The following STIM1 variants were observed in gnomAD, a reference collection of about 807,000 sequenced individuals.
STIM1 encodes stromal interaction molecule 1.
In STIM1, 25 loss-of-function variants were observed where a neutral mutation model predicts 74.7. The ratio of observed to expected loss-of-function variants is 0.33; its 90% confidence interval spans 0.24 to 0.47. The LOEUF is 0.47. Among genes scored for constraint, STIM1 ranks in the 20% least tolerant of loss-of-function variants. The pLI, the probability that STIM1 is intolerant of heterozygous loss-of-function variation, is 1.00. For missense variants in STIM1, 728 were observed against 920.8 expected, an observed-to-expected ratio of 0.79 and a Z score of 2.71; for synonymous variants, 328 against 348.8, an observed-to-expected ratio of 0.94 and a Z score of 0.66.
intron 2 of STIM1, among the ~76,000 whole-genome samples, chr11:4,018,407 G>A (rs896791291): frequency 2.3e-5 from 3 of 133,006 alleles, no homozygotes; most frequent in Non-Finnish European, 4.7e-5. Context: ...AGCCGAGATT[G>A]CGCCACTGCA....
intron 1 of STIM1, among the ~76,000 whole-genome samples, chr11:3,900,291 C>T (rs567661315): frequency 2.7e-4 from 41 of 152,272 alleles, no homozygotes; most frequent in African/African-American, 8.9e-4. Context: ...GTGGGAAAAG[C>T]GCAGTATTGG....
chr11:3,897,481 G>C (rs1287668612), intron 1 of STIM1, among the ~76,000 whole-genome samples: 1 of 151,968 alleles, frequency 6.6e-6, no homozygotes, highest in Non-Finnish European at 1.5e-5. Context: ...TTTGTACAGT[G>C]CTTTTTGTTT....
intron 1 of STIM1, among the ~76,000 whole-genome samples, chr11:3,926,016 C>T (rs895391763): frequency 6.6e-6 from 1 of 152,076 alleles, no homozygotes; most frequent in Non-Finnish European, 1.5e-5. Flanking sequence ...TAATATAGCT[C>T]TCAGAGAGCT....
intron 3 of STIM1, among the ~76,000 whole-genome samples, chr11:4,036,440 C>T (rs762284332): frequency 6.6e-6 from 1 of 152,170 alleles, no homozygotes; most frequent in Non-Finnish European, 1.5e-5. Context: ...ACAGTGTCTT[C>T]CACAATGGTG....
chr11:3,969,549 T>A (rs542667980), intron 2 of STIM1, among the ~76,000 whole-genome samples: 48 of 152,262 alleles, frequency 3.2e-4, no homozygotes, highest in African/African-American at 1.1e-3. Context: ...GATTTGTCTG[T>A]AAGGATGAAC....
intron 2 of STIM1, among the ~76,000 whole-genome samples, chr11:4,000,698 C>T (rs560942088): frequency 1.5e-3 from 234 of 152,346 alleles, no homozygotes; most frequent in Middle Eastern, 3.4e-3. Context: ...TCCAAAGGAA[C>T]GCAGTTCCTC....
chr11:4,059,450 G>A (rs773487334), intron 5 of STIM1, 54 bp downstream of exon 5: 4 of 1,495,352 alleles, frequency 2.7e-6, no homozygotes, highest in African/African-American at 2.8e-5. Flanking sequence ...CAAAGCTGTT[G>A]TAGTGGATAG....
rs187669493 is a variant in STIM1, at chr11:4,079,248, G to T, written c.970-2936G>T. Among the ~76,000 whole-genome samples, 183 of 150,636 alleles carry T rather than the reference G, an allele frequency of 1.2e-3. 5 individuals carry two copies. In the East Asian group the frequency reaches 0.03, roughly 25 times the overall value. The stretch of plus-strand genomic sequence containing the variant: ...GGAGCTTGCAGTGAGCTGAGAGATC[G>T]CGCCACTGCACTCCAGCCTGGGTGA... On this transcript the variant is annotated intron_variant, in intron 7 of 12. Transcript: ENST00000526596.
chr11:4,082,790 A>T, intron 8 of STIM1, 92 bp from the exon 9 acceptor site: 2 of 985,082 alleles, frequency 2.0e-6, no homozygotes, highest in Admixed American at 3.6e-5. Flanking sequence ...TTGTGCTAGG[A>T]GGAGTGGGCC....
chr11:3,878,475 C>T (rs115010269), intron 1 of STIM1, among the ~76,000 whole-genome samples: 2,846 of 151,056 alleles, frequency 0.019, 50 homozygotes, highest in Admixed American at 0.035. Context: ...TTTTTTGATC[C>T]TATGAAAGAT....
intron 5 of STIM1, among the ~76,000 whole-genome samples, chr11:4,069,744 C>G (rs2094391578): frequency 6.6e-6 from 1 of 152,240 alleles, no homozygotes; most frequent in African/African-American, 2.4e-5. Flanking sequence ...GGCACTAGTT[C>G]TCTCCTCTTC....
At chr11:4,054,919 C>T (rs768122547) in intron 3 of STIM1, among the ~76,000 whole-genome samples, 106 of 152,114 alleles carry the variant, frequency 7.0e-4, no homozygotes, top group Non-Finnish European at 2.8e-4. Flanking sequence ...TTCTCTGTGC[C>T]GTATGTATTT....
At chr11:4,004,431 G>A (rs1332424036) in intron 2 of STIM1, among the ~76,000 whole-genome samples, 16 of 147,712 alleles carry the variant, frequency 1.1e-4, no homozygotes, top group East Asian at 7.8e-4. Flanking sequence ...AAATAACGCC[G>A]CATATCTACA....
At chr11:3,975,075 G>C (rs1201102893) in intron 2 of STIM1, among the ~76,000 whole-genome samples, 2 of 152,158 alleles carry the variant, frequency 1.3e-5, no homozygotes, top group Non-Finnish European at 2.9e-5. Context: ...AAACAGATAA[G>C]ATCCCTGCTT....
intron 7 of STIM1, among the ~76,000 whole-genome samples, chr11:4,080,467 G>T (rs1590695668): frequency 3.9e-5 from 5 of 129,762 alleles, no homozygotes; most frequent in African/African-American, 5.7e-5. Context: ...TAACCAAACA[G>T]TTTTTTTTTT....
chr11:4,001,925 G>T (rs958991120), intron 2 of STIM1, among the ~76,000 whole-genome samples: 23 of 135,722 alleles, frequency 1.7e-4, no homozygotes, highest in South Asian at 5.4e-4. Context: ...AAAAAAGGCA[G>T]GGGTTGCAAT....
chr11:3,992,212 C>T (rs1017628225), intron 2 of STIM1, among the ~76,000 whole-genome samples: 50 of 147,890 alleles, frequency 3.4e-4, no homozygotes, highest in African/African-American at 1.2e-3. Flanking sequence ...AGTTCGAGAC[C>T]AGCCAGGGCA....
chr11:3,899,071 A>G (rs2092273652), intron 1 of STIM1, among the ~76,000 whole-genome samples: 2 of 152,182 alleles, frequency 1.3e-5, no homozygotes, highest in Admixed American at 1.3e-4. Flanking sequence ...TGGTAGTTTG[A>G]TGGGGATGGC....
At chr11:4,026,995 G>T (rs1332125769) in intron 3 of STIM1, among the ~76,000 whole-genome samples, 2 of 152,122 alleles carry the variant, frequency 1.3e-5, no homozygotes, top group African/African-American at 4.8e-5. Context: ...CAGGCTCAGA[G>T]CCCCAATGTT....
Sources: allele counts gnomAD v4.1 joint callset (sites outside exome capture counted in the v4.1 genomes callset), GRCh38; gene constraint gnomAD v4.1.1; transcripts MANE v1.5; gene names NCBI Gene and HGNC (gene_info 2026-07-23, HGNC 2026-07-21).